Variants in ARR3 observed in about 807,000 individuals in gnomAD.
ARR3 encodes the protein arrestin 3, also known as arrestin-C.
In ARR3, 14 loss-of-function variants were observed where a neutral mutation model predicts 35.4. The ratio of observed to expected loss-of-function variants is 0.40; its 90% CI spans 0.26 to 0.62. The LOEUF (loss-of-function observed/expected upper bound fraction) is 0.62, where lower values mean the gene tolerates loss of function less well. ARR3 is among the 20% of genes least tolerant of loss of function. The pLI is 0.46. For missense variants in ARR3, 259 were observed against 303.8 expected (o/e 0.85, Z 1.10); for synonymous variants, 97 against 119.1 (o/e 0.81, Z 1.21).
intron 11 of ARR3, 88 bp downstream of exon 11, chrX:70,278,226 G>A: frequency 1.2e-6 from 1 of 861,905 alleles, no homozygotes; most frequent in Non-Finnish European, 1.7e-6. Context: ...GTAGAGTGGG[G>A]GAGAAGAGTG....
Position 70,281,006 on chromosome X carries a change from G to GT in ARR3, c.1067-93_1067-92insT, listed in dbSNP as rs1207126393. 1,568 of 968,605 alleles carry GT rather than the reference G, an allele frequency of 1.6e-3. 7 individuals carry two copies. Among genetic ancestry groups the GT allele is most frequent in the Non-Finnish European group, 1.8e-3 (1,297 of 712,570 alleles). The allele number at this position is 968,605 out of a possible 1,213,427, so 79.8% of individuals were successfully genotyped here. A position where few individuals can be genotyped will look rare whatever the true frequency, so the allele number is the denominator to read the frequency against. ...TGGAGCAAAGGATTGGGAAGTTGGG[G>GT]GGGGGGGAAGTAAAGATACTTCTTC... On this transcript the variant is annotated intron_variant, in intron 15 of 16. Coordinates refer to ENST00000307959, the MANE Select transcript of ARR3 (RefSeq NM_004312.3).
chrX:70,276,343 G>A, intron 6 of ARR3, 62 bp downstream of exon 6: 2 of 1,192,137 alleles, frequency 1.7e-6, no homozygotes, highest in Non-Finnish European at 2.3e-6. Context: ...GGAAGCTCAA[G>A]AAGGACAACA....
Position 70,276,269 on chromosome X carries a change from C to G in ARR3, c.333C>G (p.Pro111=), listed in dbSNP as rs186501111. 3 of 1,209,720 alleles carry G rather than the reference C, an allele frequency of 2.5e-6. No homozygotes were observed. In the East Asian group the frequency reaches 8.9e-5, roughly 36 times the overall value. Residue 111 remains proline (P), a synonymous_variant, in exon 6 of 17, where the codon CCC becomes CCG. Transcript: ENST00000307959. ...LLHKLGDNAY[P]FTLQMVTNLP... is the part of the protein sequence containing the mutation. ...ACAAGCTAGGGGACAATGCCTACCC[C>G]TTTACCCTGCAGGTACTGACCCCAA...
rs1423325920 is a variant in ARR3, at chrX:70,276,456, T to C, written c.369T>C (p.Ser123=). The change falls in exon 7 of 17, where the codon TCT becomes TCC. Residue 123 remains serine (S), a synonymous_variant. Coordinates refer to ENST00000307959, the MANE Select transcript of ARR3 (RefSeq NM_004312.3). ...TLQMVTNLPC[S]VTLQPGPEDA... is the part of the protein sequence containing the mutation. ...AGATGGTGACCAACCTGCCCTGTTC[T>C]GTGACACTGCAGCCAGGTCCTGAAG... is the stretch of plus-strand genomic sequence containing the variant. 2 of 1,210,435 alleles carry C rather than the reference T, an allele frequency of 1.7e-6. No individual in the cohort carries two copies. The highest frequency in any genetic ancestry group is 1.1e-6 in the Non-Finnish European group (1 of 895,185).
At chrX:70,280,973 G>A (rs1353422704) in intron 15 of ARR3, 126 bp from the exon 16 acceptor site, 2 of 824,918 alleles carry the variant, frequency 2.4e-6, no homozygotes, top group Non-Finnish European at 3.3e-6. Flanking sequence ...TGTGTGTGTC[G>A]TGTGTGCTGG....
rs187221070 is a variant in ARR3 at position 70,272,020 on chromosome X, C to T, written c.145+1876C>T. ...GCCTTCCCAACACAGGAACAGAAAG[C>T]GATTCCAAGAACAAGTCATCTGATT... On this transcript the variant is annotated intron_variant, in intron 5 of 16. Coordinates refer to ENST00000307959, the MANE Select transcript of ARR3 (RefSeq NM_004312.3). Among the ~76,000 whole-genome samples the T allele has an allele frequency of 2.7e-5, 3 of 109,744 alleles. No individual in the cohort carries two copies. In the Admixed American group the frequency reaches 3.0e-4, roughly 11 times the overall value.
chrX:70,277,702 C>A lies in ARR3; in HGVS notation c.610-14C>A. The A allele has an allele frequency of 5.0e-6, 6 of 1,206,007 alleles. No individual in the cohort carries two copies. The highest frequency in any genetic ancestry group is 6.7e-6 in the Non-Finnish European group (6 of 891,350). ...GTCCTCCAGCCTTGACATGGGTCCC[C>A]GCTCCTGCTTTAGGTTCACTACCAC... On this transcript the variant is annotated splice_polypyrimidine_tract_variant and intron_variant, in intron 9 of 16. Coordinates refer to ENST00000307959, the MANE Select transcript of ARR3 (RefSeq NM_004312.3).
intron 5 of ARR3, among the ~76,000 whole-genome samples, chrX:70,272,452 TA>T (rs766078915): frequency 3.2e-4 from 36 of 112,446 alleles, no homozygotes; most frequent in Non-Finnish European, 5.1e-4. Flanking sequence ...AATGCTATAC[TA>T]AAAATAATAT....
chrX:70,270,114 G>A lies in ARR3; in HGVS notation c.115G>A (p.Val39Ile), dbSNP rs2085624254. The A allele has an allele frequency of 1.7e-6, 2 of 1,212,001 alleles. No homozygotes were observed. The highest frequency in any genetic ancestry group is 3.5e-5 in the African/African-American group (2 of 57,920). ...TCTCTCCACAGACGGTGTTGTCCTG[G>A]TTGATCCTGAGTACTTAAAATGTCG... The part of the protein sequence containing the change: ...TVEPIDGVVL[V>I]DPEYLKCRKL... The change falls in exon 5 of 17, where the codon GTT (valine) becomes ATT (isoleucine). Residue 39 changes from valine (V) to isoleucine (I), a missense_variant. Physicochemically the swap from Val to Ile is conservative, Grantham distance 29. Transcript: ENST00000307959.
At chrX:70,281,158 C>T (rs765854523) in intron 16 of ARR3, 50 bp downstream of exon 16, 3 of 1,192,999 alleles carry the variant, frequency 2.5e-6, no homozygotes, top group African/African-American at 3.5e-5. Flanking sequence ...CCCATTTCCA[C>T]CCTCCATGTT....
At position 70,278,090 on chromosome X, in the gene ARR3, T is replaced by A; in HGVS notation, c.719T>A (p.Leu240Gln). 8.3e-7 allele frequency: 1 copy of A among 1,210,600 alleles called. No homozygotes were observed. Among genetic ancestry groups the A allele is most frequent in the Non-Finnish European group, 1.1e-6 (1 of 894,811 alleles). The change falls in exon 11 of 17, where the codon CTG (leucine) becomes CAG (glutamine). Residue 240 changes from leucine to glutamine, a missense_variant. By Grantham distance (113) the Leu-to-Gln change is moderately radical (BLOSUM62 -2). Coordinates refer to ENST00000307959, the MANE Select transcript of ARR3 (RefSeq NM_004312.3). ...GTTGACCAGATCACAGATGTTGTCC[T>A]GTATTCACTAGACAAGTACACCAAG... ...ISVDQITDVVLYSLDKYTKTV... is the reference protein window; with the variant it reads ...ISVDQITDVVQYSLDKYTKTV...
intron 5 of ARR3, among the ~76,000 whole-genome samples, chrX:70,273,673 G>A (rs2085639852): frequency 1.8e-5 from 2 of 111,475 alleles, no homozygotes; most frequent in African/African-American, 6.5e-5. Flanking sequence ...TGCCTCTAAA[G>A]TGGAGATAAT....
At chrX:70,281,374 C>T in intron 16 of ARR3, 1 of 444,513 alleles carries the variant, frequency 2.2e-6, no homozygotes, top group Non-Finnish European at 3.9e-6. Context: ...CCTTTTCCCC[C>T]ACCCGCTCGC....
In ARR3 at chrX:70,280,101, G is replaced by T. The variant is rs903455936; in HGVS notation, c.906-94G>T. The T allele has an allele frequency of 3.8e-6, 3 of 792,366 alleles. No homozygotes were observed. The Admixed American group carries it at 7.0e-5, about 19-fold the overall frequency. 65.3% of individuals were successfully genotyped at this position (792,366 alleles called of 1,213,427 possible). The stretch of plus-strand genomic sequence containing the variant: ...TCTGGGATAAGACTAAACATAATAG[G>T]GTGTGGTGATAGGAATGCATGAGAA... On this transcript the variant is annotated intron_variant, in intron 12 of 16. Coordinates refer to ENST00000307959, the MANE Select transcript of ARR3 (RefSeq NM_004312.3).
chrX:70,276,365 TC>T, intron 6 of ARR3, 67 bp from the exon 7 acceptor site: 6 of 1,190,963 alleles, frequency 5.0e-6, no homozygotes, highest in Non-Finnish European at 6.8e-6. Flanking sequence ...GGGAGAGGGT[TC>T]CCCATTTCTT....
At chrX:70,270,219 C>A in intron 5 of ARR3, 75 bp downstream of exon 5, 1 of 1,061,474 alleles carries the variant, frequency 9.4e-7, no homozygotes, top group Non-Finnish European at 1.3e-6. Context: ...CAGAGTACAA[C>A]AAAACCAGAA....
Position 70,278,240 on chromosome X carries a change from G to T in ARR3, c.767+102G>T, listed in dbSNP as rs761929573. 3.7e-6 allele frequency: 3 copies of T among 803,777 alleles called. No homozygotes were observed. The African/African-American group carries it at 6.2e-5, about 17-fold the overall frequency. 66.2% of individuals were successfully genotyped at this position (803,777 alleles called of 1,213,427 possible). On this transcript the variant is annotated intron_variant, in intron 11 of 16. Coordinates refer to ENST00000307959, the MANE Select transcript of ARR3 (RefSeq NM_004312.3). ...GGTAGAGTGGGGGAGAAGAGTGGTG[G>T]AAGATTCCAGGGAGGGATTCCCAGG... is the stretch of plus-strand genomic sequence containing the variant.
intron 2 of ARR3, 126 bp downstream of exon 2, chrX:70,269,519 T>A (rs1029799025): frequency 5.2e-6 from 5 of 962,929 alleles, no homozygotes; most frequent in Admixed American, 5.1e-5. Flanking sequence ...ACCCCAATTA[T>A]CCCTACCTTT....
Position 70,281,819 on chromosome X carries a change from T to C in ARR3, c.*53T>C. 1 of 995,480 alleles carries C rather than the reference T, an allele frequency of 1.0e-6. No individual in the cohort carries two copies. Among genetic ancestry groups the C allele is most frequent in the Non-Finnish European group, 1.4e-6 (1 of 730,696 alleles). 82.0% of individuals were successfully genotyped at this position (995,480 alleles called of 1,213,427 possible). On this transcript the variant is annotated 3_prime_UTR_variant, in exon 17 of 17. Coordinates refer to ENST00000307959, the MANE Select transcript of ARR3 (RefSeq NM_004312.3). ...GGGAGCCCCCACTGTAACACTCTAA[T>C]AAATCAGTTTGTTCAGATGTGCCTA... is the stretch of plus-strand genomic sequence containing the variant.
Sources: gnomAD v4.1 joint callset for allele counts (sites outside exome capture counted in the v4.1 genomes callset) on GRCh38, gnomAD v4.1.1 for gene constraint, MANE v1.5 for transcripts, NCBI Gene and HGNC (gene_info 2026-07-23, HGNC 2026-07-21) for gene names.